CPS1: variants seen among roughly 807,000 people sequenced by gnomAD.
CPS1 encodes the protein carbamoyl-phosphate synthase 1, also known as carbamoyl-phosphate synthase [ammonia], mitochondrial.
In CPS1, 109 loss-of-function variants were observed where a neutral mutation model predicts 174.6. The observed-to-expected ratio is 0.62, with a 90% CI of 0.53 to 0.73. The LOEUF (loss-of-function observed/expected upper bound fraction) is 0.73. CPS1 is among the 30% of genes least tolerant of loss of function. The pLI is 0.00. For synonymous variants in CPS1, 637 were observed against 632.0 expected (o/e 1.01, Z -0.12); for missense variants, 1,689 against 1,821.9 (o/e 0.93, Z 1.33).
At chr2:210,532,439 T>C (rs1032504066) in intron 1 of CPS1, among the ~76,000 whole-genome samples, 1 of 152,220 alleles carries the variant, frequency 6.6e-6, no homozygotes, top group Admixed American at 6.5e-5. Context: ...ACTCTTGTTT[T>C]TAAATAGTTA....
At chr2:210,635,395 G>A (rs1700013329) in intron 21 of CPS1, among the ~76,000 whole-genome samples, 1 of 152,076 alleles carries the variant, frequency 6.6e-6, no homozygotes, top group African/African-American at 2.4e-5. Context: ...TCATTTCATT[G>A]TCTCAAATAT....
intron 26 of CPS1, 93 bp downstream of exon 26, chr2:210,648,150 C>T: frequency 1.6e-6 from 2 of 1,282,916 alleles, no homozygotes. Flanking sequence ...GATATGTTAA[C>T]TACAGGGCAG....
intron 1 of CPS1, among the ~76,000 whole-genome samples, chr2:210,519,136 T>G (rs907657866): frequency 1.3e-5 from 2 of 152,152 alleles, no homozygotes; most frequent in Non-Finnish European, 1.5e-5. Context: ...TTCCTTGCTC[T>G]TTGTATAACT....
intron 1 of CPS1, among the ~76,000 whole-genome samples, chr2:210,529,119 A>C (rs1696050144): frequency 6.6e-6 from 1 of 151,928 alleles, no homozygotes; most frequent in South Asian, 2.1e-4. Flanking sequence ...GTGTTAGGAT[A>C]ATCATGAGAA....
chr2:210,602,650 A>G (rs1284108813), intron 16 of CPS1, among the ~76,000 whole-genome samples: 1 of 151,884 alleles, frequency 6.6e-6, no homozygotes, highest in African/African-American at 2.4e-5. Flanking sequence ...TTCAAAATCT[A>G]CTCTCAAATA....
chr2:210,655,091 C>T (rs970044906), intron 29 of CPS1, among the ~76,000 whole-genome samples: 1 of 152,120 alleles, frequency 6.6e-6, no homozygotes, highest in African/African-American at 2.4e-5. Context: ...TTTGACATCT[C>T]AGGTATTCTT....
At chr2:210,599,937 T>C (rs887230497) in intron 14 of CPS1, among the ~76,000 whole-genome samples, 1 of 151,926 alleles carries the variant, frequency 6.6e-6, no homozygotes, top group Non-Finnish European at 1.5e-5. Context: ...TGCAGCAATT[T>C]CCTCTCAAAC....
intron 1 of CPS1, among the ~76,000 whole-genome samples, chr2:210,546,053 T>A (rs1296940432): frequency 6.6e-6 from 1 of 152,046 alleles, no homozygotes; most frequent in Admixed American, 6.6e-5. Context: ...TATTGTTCAA[T>A]CTTGAGAGTA....
At chr2:210,578,986 G>A (rs895438672) in intron 4 of CPS1, among the ~76,000 whole-genome samples, 1 of 152,030 alleles carries the variant, frequency 6.6e-6, no homozygotes, top group Non-Finnish European at 1.5e-5. Context: ...CAGACATGTA[G>A]AGTAGAAAAG....
At chr2:210,594,884 A>G (rs1236656632) in intron 12 of CPS1, among the ~76,000 whole-genome samples, 1 of 151,904 alleles carries the variant, frequency 6.6e-6, no homozygotes, top group Non-Finnish European at 1.5e-5. Flanking sequence ...TTTAGAATTT[A>G]TTTCCCATTA....
At chr2:210,480,517 C>T (rs1247483954) in intron 1 of CPS1, among the ~76,000 whole-genome samples, 1 of 152,130 alleles carries the variant, frequency 6.6e-6, no homozygotes, top group Non-Finnish European at 1.5e-5. Flanking sequence ...CTCTAACCTC[C>T]TAGCAACCAT....
rs199826680 is a variant in CPS1, at chr2:210,612,241, T to C, written c.2516T>C (p.Leu839Pro). Reference sequence around the variant, plus strand: ...AAAGAATGGCCATCTAATTTAGATCTTAGAAAAGAGTTGTCTGAACCAAGC... The same window carrying C: ...AAAGAATGGCCATCTAATTTAGATCCTAGAAAAGAGTTGTCTGAACCAAGC... ...MNKEWPSNLD[L>P]RKELSEPSST... The change falls in exon 20 of 38, where the codon CTT becomes CCT. Residue 839 changes from leucine (L) to proline (P), a missense_variant. By Grantham distance (98) the Leu-to-Pro change is moderately conservative (BLOSUM62 -3). Transcript: ENST00000233072. The C allele has an allele frequency of 6.2e-7, 1 of 1,612,260 alleles. No homozygotes were observed. The highest frequency in any genetic ancestry group is 8.5e-7 in the Non-Finnish European group (1 of 1,178,852).
intron 1 of CPS1, among the ~76,000 whole-genome samples, chr2:210,572,342 A>AT (rs1283418033): frequency 6.6e-6 from 1 of 152,036 alleles, no homozygotes; most frequent in Non-Finnish European, 1.5e-5. Flanking sequence ...TTATACTTTA[A>AT]TTTTTAAAAA....
rs35530128 is a variant in CPS1, at chr2:210,497,895, T to TAC, written c.3+20130_3+20131insCA. Among the ~76,000 whole-genome samples the TAC allele has an allele frequency of 9.2e-4, 117 of 127,748 alleles. 1 individual carries two copies. Among genetic ancestry groups the TAC allele is most frequent in the African/African-American group, 3.6e-3 (113 of 31,830 alleles). The allele number at this position is 127,748 out of a possible 152,430, so 83.8% of individuals were successfully genotyped here. Reference sequence around the variant, plus strand: ...TTTGGTAGAACAATATATACATACATATATATATATATATATATATATATC... The same window carrying TAC: ...TTTGGTAGAACAATATATACATACATACATATATATATATATATATATATATC... On this transcript the variant is annotated intron_variant, in intron 1 of 38. Coordinates refer to the CPS1 transcript ENST00000430249.
intron 20 of CPS1, among the ~76,000 whole-genome samples, chr2:210,613,274 T>C (rs1190972929): frequency 6.6e-6 from 1 of 151,996 alleles, no homozygotes; most frequent in African/African-American, 2.4e-5. Flanking sequence ...TTAAGAGACC[T>C]GAAGGAGAGG....
chr2:210,595,828 A>G (rs1698464466), intron 13 of CPS1, among the ~76,000 whole-genome samples: 1 of 151,988 alleles, frequency 6.6e-6, no homozygotes, highest in Non-Finnish European at 1.5e-5. Context: ...TTGCCTCCTT[A>G]TAGTGAAAAC....
rs2105917998 is a variant in CPS1, at chr2:210,656,635, C to G, written c.3666+3C>G. ...TCAGCCAAGGGGCCATTGAAAAGGTCATCATTTATAAATAAAAGTGGAAGG... is the reference window on the plus strand; with the variant it reads ...TCAGCCAAGGGGCCATTGAAAAGGTGATCATTTATAAATAAAAGTGGAAGG... On this transcript the variant is annotated splice_donor_region_variant and intron_variant, in intron 30 of 37. Coordinates refer to ENST00000233072, the MANE Select transcript of CPS1 (RefSeq NM_001875.5). 6.3e-7 allele frequency: 1 copy of G among 1,599,972 alleles called. No individual in the cohort carries two copies. Among genetic ancestry groups the G allele is most frequent in the East Asian group, 2.2e-5 (1 of 44,590 alleles).
rs1259424659 is a variant in CPS1, at chr2:210,582,809, G to A, written c.621+100G>A. ...TTTAGGCAGAGTTTATCTTCCAGAA[G>A]CACCAGTGTTCAGGGGTAGAAAGGG... On this transcript the variant is annotated intron_variant, in intron 6 of 37. Transcript: ENST00000233072. The A allele has an allele frequency of 3.2e-6, 3 of 937,772 alleles. 1 individual carries two copies. Among genetic ancestry groups the A allele is most frequent in the South Asian group, 2.7e-5 (2 of 74,742 alleles). The allele number at this position is 937,772 out of a possible 1,614,324, so 58.1% of individuals were successfully genotyped here.
chr2:210,590,013 T>A, intron 7 of CPS1, 93 bp from the exon 8 acceptor site: 1 of 1,537,550 alleles, frequency 6.5e-7, no homozygotes. Flanking sequence ...TCCTTCCCTT[T>A]AAGGAATGGT....
Sources: allele counts gnomAD v4.1 joint callset (sites outside exome capture counted in the v4.1 genomes callset), GRCh38; gene constraint gnomAD v4.1.1; transcripts MANE v1.5; gene names NCBI Gene and HGNC (gene_info 2026-07-23, HGNC 2026-07-21).